Variants in LASP1 observed in about 807,000 individuals in gnomAD.
LASP1 encodes LIM and SH3 domain protein 1.
In LASP1, 10 loss-of-function variants were observed where a neutral mutation model predicts 38.6. The ratio of observed to expected loss-of-function variants is 0.26; its 90% CI spans 0.16 to 0.44. The LOEUF is 0.44. Among genes scored for constraint, LASP1 ranks in the 20% least tolerant of loss-of-function variants. The pLI is 1.00. For missense variants in LASP1, 243 were observed against 375.7 expected (o/e 0.65, Z 2.92); for synonymous variants, 132 against 140.8 (o/e 0.94, Z 0.44).
At chr17:38,889,589 ATTTT>A (rs1268823096) in intron 2 of LASP1, among the ~76,000 whole-genome samples, 8 of 152,154 alleles carry the variant, frequency 5.3e-5, no homozygotes, top group Non-Finnish European at 1.2e-4. Flanking sequence ...GCAGTCAATA[ATTTT>A]GTTTCATGCA....
rs1394748252 is a variant in LASP1 at position 38,914,486 on chromosome 17, G to A, written c.508+11G>A. ...CGACCAGTGCCCCGGGTGAGTGCAG[G>A]TCCTGTTGGTGCAGATGACCTGAGG... On this transcript the variant is annotated intron_variant, in intron 5 of 6. Coordinates refer to ENST00000318008, the MANE Select transcript of LASP1 (RefSeq NM_006148.4). 1 of 1,585,824 alleles carries A rather than the reference G, an allele frequency of 6.3e-7. No individual in the cohort carries two copies. Among genetic ancestry groups the A allele is most frequent in the Non-Finnish European group, 8.6e-7 (1 of 1,166,326 alleles).
In LASP1 at chr17:38,915,036, C is replaced by T; in HGVS notation, c.509-7C>T. 1 of 1,613,660 alleles carries T rather than the reference C, an allele frequency of 6.2e-7. No homozygotes were observed. Among genetic ancestry groups the T allele is most frequent in the South Asian group, 1.1e-5 (1 of 91,074 alleles). On this transcript the variant is annotated splice_region_variant and splice_polypyrimidine_tract_variant and intron_variant, in intron 5 of 6. Coordinates refer to ENST00000318008, the MANE Select transcript of LASP1 (RefSeq NM_006148.4). ...GTTTCCAAGCCCTGTCTCCTCCCAT[C>T]TTCCAGTTTACCAGCAGCCCCAGCA... is the stretch of plus-strand genomic sequence containing the variant.
At chr17:38,877,241 A>G (rs1394774701) in intron 1 of LASP1, among the ~76,000 whole-genome samples, 1 of 152,192 alleles carries the variant, frequency 6.6e-6, no homozygotes, top group East Asian at 1.9e-4. Flanking sequence ...GTGTTATTAC[A>G]TCCATTGTAC....
At chr17:38,879,024 C>T (rs1913862625) in intron 2 of LASP1, among the ~76,000 whole-genome samples, 1 of 152,098 alleles carries the variant, frequency 6.6e-6, no homozygotes, top group Non-Finnish European at 1.5e-5. Flanking sequence ...TTCCATCTTC[C>T]AATTGACCTT....
chr17:38,870,504 G>A (rs1011126564), intron 1 of LASP1, among the ~76,000 whole-genome samples: 7 of 152,210 alleles, frequency 4.6e-5, no homozygotes, highest in African/African-American at 1.7e-4. Flanking sequence ...TCTGTGTCCC[G>A]GGGTTGGGAG....
Position 38,890,473 on chromosome 17 carries a change from G to A in LASP1, c.218G>A (p.Arg73His), listed in dbSNP as rs1367862145. ...GTGGCGGACACCCCGGAAAACCTTC[G>A]CCTCAAGCAACAGAGTGAGCTCCAG... ...TMVADTPENLRLKQQSELQSQ... is the reference protein window; with the variant it reads ...TMVADTPENLHLKQQSELQSQ... The change falls in exon 3 of 7, where the codon CGC becomes CAC. Residue 73 changes from arginine to histidine, a missense_variant. By Grantham distance (29) the Arg-to-His change is conservative (BLOSUM62 0). This residue lies in a region of LASP1 where 43 missense variants were observed against 108.3 expected (regional missense o/e 0.40). Transcript: ENST00000318008. 1.2e-6 allele frequency: 2 copies of A among 1,613,846 alleles called. No individual in the cohort carries two copies. Among genetic ancestry groups the A allele is most frequent in the Non-Finnish European group, 1.7e-6 (2 of 1,180,018 alleles).
Position 38,918,978 on chromosome 17 carries a change from T to C in LASP1, c.*200T>C. ...TCCCTCCTCTGGCAGGCTTCCCCCT[T>C]GATCGACTTCTTGGTTTTCTCTCTG... is the stretch of plus-strand genomic sequence containing the variant. On this transcript the variant is annotated 3_prime_UTR_variant, in exon 7 of 7. Transcript: ENST00000318008. The surrounding 1 kb of genome is among the most constrained non-coding windows in gnomAD (Gnocchi z 4.4). 3.2e-6 allele frequency: 2 copies of C among 629,286 alleles called. No individual in the cohort carries two copies. The highest frequency in any genetic ancestry group is 5.5e-6 in the Non-Finnish European group (2 of 364,118). 39.0% of individuals were successfully genotyped at this position (629,286 alleles called of 1,614,324 possible).
intron 1 of LASP1, 36 bp from the exon 2 acceptor site, chr17:38,878,050 G>A (rs761270994): frequency 6.6e-7 from 1 of 1,516,690 alleles, no homozygotes. Flanking sequence ...CAGAAGTCCT[G>A]GTATCTGATG....
At chr17:38,879,667 C>T (rs1395953692) in intron 2 of LASP1, among the ~76,000 whole-genome samples, 2 of 151,496 alleles carry the variant, frequency 1.3e-5, no homozygotes, top group Non-Finnish European at 2.9e-5. Flanking sequence ...GGGGCTTAAA[C>T]CTCCAGCCTT....
At chr17:38,905,204 A>T (rs981351593) in intron 4 of LASP1, among the ~76,000 whole-genome samples, 13 of 152,054 alleles carry the variant, frequency 8.5e-5, no homozygotes, top group African/African-American at 3.1e-4. Context: ...CCTGAGGTCT[A>T]TGTACATTGG....
chr17:38,890,559 T>C, intron 3 of LASP1, 55 bp downstream of exon 3: 6 of 1,529,502 alleles, frequency 3.9e-6, no homozygotes, highest in Non-Finnish European at 5.4e-6. Flanking sequence ...GGGAGGGAAG[T>C]TGTAAGGTCG....
chr17:38,873,770 C>G (rs985192631), intron 1 of LASP1: 1 of 152,268 alleles, frequency 6.6e-6, no homozygotes, highest in Non-Finnish European at 1.5e-5. Context: ...CAGGGTGGGG[C>G]TGGCATTGCC....
At chr17:38,909,618 A>AT (rs1266961765) in intron 4 of LASP1, among the ~76,000 whole-genome samples, 2 of 151,948 alleles carry the variant, frequency 1.3e-5, no homozygotes, top group African/African-American at 4.8e-5. Flanking sequence ...AAAAAAAAAA[A>AT]GAAAGAAAAG....
chr17:38,915,204 T>C (rs1915085157), intron 6 of LASP1, 58 bp downstream of exon 6: 11 of 1,361,776 alleles, frequency 8.1e-6, no homozygotes, highest in African/African-American at 1.4e-5. Flanking sequence ...CGGGAAGGCT[T>C]GGACACAGCT....
At chr17:38,874,081 T>A (rs972854754) in intron 1 of LASP1, 4 of 152,322 alleles carry the variant, frequency 2.6e-5, no homozygotes, top group Non-Finnish European at 5.9e-5. Flanking sequence ...GAGCCTCGGA[T>A]CCAGGCTGAG....
Position 38,921,283 on chromosome 17 carries a change from G to A in LASP1, c.*2505G>A, listed in dbSNP as rs1915291707. On this transcript the variant is annotated 3_prime_UTR_variant, in exon 7 of 7. Transcript: ENST00000318008. The stretch of plus-strand genomic sequence containing the variant: ...AGGAAAGAGGCATCAAAGCTAGAAT[G>A]TGAATATAACTTTTGTGGACCAATA... 4.3e-6 allele frequency: 1 copy of A among 230,412 alleles called. No individual in the cohort carries two copies. The highest frequency in any genetic ancestry group is 1.8e-4 in the South Asian group (1 of 5,508). The allele number at this position is 230,412 out of a possible 1,614,324, so 14.3% of individuals were successfully genotyped here. A position where few individuals can be genotyped will look rare whatever the true frequency, so the allele number is the denominator to read the frequency against.
intron 4 of LASP1, among the ~76,000 whole-genome samples, chr17:38,902,329 G>A (rs1178626793): frequency 1.3e-5 from 2 of 150,440 alleles, no homozygotes; most frequent in African/African-American, 4.9e-5. Context: ...CTAAAGTGCT[G>A]GGATTATAGG....
intron 1 of LASP1, among the ~76,000 whole-genome samples, chr17:38,877,674 G>T (rs143424053): frequency 6.6e-6 from 1 of 152,252 alleles, no homozygotes; most frequent in African/African-American, 2.4e-5. Context: ...CACCAGAGGA[G>T]CTGCTCCTTC....
chr17:38,902,104 C>T (rs896921213), intron 4 of LASP1, among the ~76,000 whole-genome samples: 2 of 151,832 alleles, frequency 1.3e-5, no homozygotes, highest in African/African-American at 2.4e-5. Flanking sequence ...CTCCGTCATC[C>T]GGGCTGGAGT....
Sources: gnomAD v4.1 joint callset for allele counts (sites outside exome capture counted in the v4.1 genomes callset) on GRCh38, gnomAD v4.1.1 for gene constraint, gnomAD v4.1.1 regional missense constraint, Gnocchi (gnomAD v3.1) non-coding constraint, MANE v1.5 for transcripts, NCBI Gene and HGNC (gene_info 2026-07-23, HGNC 2026-07-21) for gene names.